ULK4: variants seen among roughly 807,000 people sequenced by gnomAD.
ULK4 encodes inactive serine/threonine-protein kinase ULK4.
ULK4 carries 133 observed loss-of-function variants against 160.6 expected under a neutral mutation model. That is an observed-to-expected ratio of 0.83 (90% confidence interval 0.72 to 0.96). The LOEUF (loss-of-function observed/expected upper bound fraction) is 0.96. Among genes scored for constraint, ULK4 ranks in the 40% least tolerant of loss-of-function variants. The pLI is 0.00. For synonymous variants in ULK4, 534 were observed against 539.8 expected, an observed-to-expected ratio of 0.99 and a Z score of 0.15; for missense variants, 1,580 against 1,499.5, an observed-to-expected ratio of 1.05 and a Z score of -0.89.
chr3:41,604,122 A>C (rs1401525346), intron 31 of ULK4, among the ~76,000 whole-genome samples: 4 of 152,156 alleles, frequency 2.6e-5, no homozygotes, highest in African/African-American at 9.6e-5. Context: ...CATGCTGAGG[A>C]GAGGTAATAG....
chr3:41,875,965 C>CAAA (rs1221477204), intron 17 of ULK4, among the ~76,000 whole-genome samples: 1 of 68,766 alleles, frequency 1.5e-5, no homozygotes, highest in Non-Finnish European at 3.5e-5. Flanking sequence ...ATGTTCTTAC[C>CAAA]AAAAAAAAAA....
At chr3:41,791,083 G>T (rs528498781) in intron 20 of ULK4, among the ~76,000 whole-genome samples, 10 of 152,216 alleles carry the variant, frequency 6.6e-5, no homozygotes, top group Admixed American at 2.0e-4. Flanking sequence ...AACATAAAAA[G>T]ACTTTGAAAA....
intron 21 of ULK4, among the ~76,000 whole-genome samples, chr3:41,762,556 G>A (rs1187070659): frequency 6.6e-6 from 1 of 151,866 alleles, no homozygotes; most frequent in Non-Finnish European, 1.5e-5. Flanking sequence ...GGCTAGGGAG[G>A]CCTCAGGAAA....
At chr3:41,564,449 C>CTTTT (rs71075476) in intron 32 of ULK4, among the ~76,000 whole-genome samples, 75 of 80,968 alleles carry the variant, frequency 9.3e-4, no homozygotes, top group East Asian at 2.6e-3. Context: ...TCTTCTTCTT[C>CTTTT]TTTTTTTTTT....
At chr3:41,869,074 C>T (rs927345800) in intron 17 of ULK4, 1 of 152,066 alleles carries the variant, frequency 6.6e-6, no homozygotes, top group African/African-American at 2.4e-5. Context: ...TAGTTGTAAA[C>T]ACCATGGCAC....
chr3:41,660,513 A>T (rs2035115283), intron 30 of ULK4, among the ~76,000 whole-genome samples: 1 of 152,216 alleles, frequency 6.6e-6, no homozygotes, highest in Non-Finnish European at 1.5e-5. Context: ...TAGACTTAAA[A>T]TGCATTCTTA....
intron 35 of ULK4, among the ~76,000 whole-genome samples, chr3:41,286,541 AG>A (rs2079461245): frequency 6.6e-6 from 1 of 152,154 alleles, no homozygotes; most frequent in Non-Finnish European, 1.5e-5. Context: ...GGAGGCCTTC[AG>A]GAAGAGGAGG....
At chr3:41,806,383 T>G (rs1277491989) in intron 19 of ULK4, among the ~76,000 whole-genome samples, 2 of 152,158 alleles carry the variant, frequency 1.3e-5, no homozygotes, top group Non-Finnish European at 2.9e-5. Flanking sequence ...CTTTTCTTCT[T>G]TATTAGTCTT....
chr3:41,481,034 G>A lies in ULK4; in HGVS notation c.3227-17781C>T, dbSNP rs532682743. The stretch of plus-strand genomic sequence containing the variant: ...ATAGGGACACAGCCAAACTGTATCA[G>A]TGTATAATACATAAAACATACAAAA... On this transcript the variant is annotated intron_variant, in intron 32 of 36. Transcript: ENST00000301831. 6.4e-4 allele frequency among the ~76,000 whole-genome samples: 97 copies of A among 152,280 alleles called. 2 individuals carry two copies. The South Asian group carries it at 0.02, about 31-fold the overall frequency.
intron 35 of ULK4, among the ~76,000 whole-genome samples, chr3:41,304,444 A>G (rs1186997823): frequency 6.6e-6 from 1 of 152,194 alleles, no homozygotes; most frequent in East Asian, 1.9e-4. Flanking sequence ...ACAGCCCCCA[A>G]ACAGGGACAT....
intron 31 of ULK4, among the ~76,000 whole-genome samples, chr3:41,599,984 T>C (rs1254022616): frequency 2.0e-5 from 3 of 152,238 alleles, no homozygotes; most frequent in Non-Finnish European, 2.9e-5. Flanking sequence ...TCCACTAACA[T>C]TGCTTTACTT....
intron 32 of ULK4, among the ~76,000 whole-genome samples, chr3:41,467,405 T>G (rs189816364): frequency 6.6e-5 from 10 of 152,164 alleles, no homozygotes; most frequent in Middle Eastern, 6.8e-3. Context: ...GCACACACTA[T>G]AATCCCAGCG....
At chr3:41,450,950 T>C (rs1335948634) in intron 34 of ULK4, among the ~76,000 whole-genome samples, 1 of 152,130 alleles carries the variant, frequency 6.6e-6, no homozygotes, top group African/African-American at 2.4e-5. Context: ...AACCTAACTG[T>C]GATCAAGTTA....
rs184269626 is a variant in ULK4 at position 41,835,315 on chromosome 3, T to A, written c.1764+549A>T. Among the ~76,000 whole-genome samples, 151 of 152,354 alleles carry A rather than the reference T, an allele frequency of 9.9e-4. 1 individual carries two copies. Among genetic ancestry groups the A allele is most frequent in the African/African-American group, 3.5e-3 (144 of 41,594 alleles). On this transcript the variant is annotated intron_variant, in intron 18 of 36. Coordinates refer to ENST00000301831, the MANE Select transcript of ULK4 (RefSeq NM_017886.4). ...TGACACTAAATGACTAATTCATAAC[T>A]TATCACTATCTATTCCATAATATTC...
chr3:41,655,016 C>G (rs915677317), intron 30 of ULK4, among the ~76,000 whole-genome samples: 19 of 151,922 alleles, frequency 1.3e-4, no homozygotes, highest in African/African-American at 4.6e-4. Context: ...TCAGTTCATT[C>G]TAATAAAGTT....
chr3:41,795,220 G>T (rs746713037), intron 20 of ULK4, among the ~76,000 whole-genome samples: 10 of 152,196 alleles, frequency 6.6e-5, no homozygotes, highest in Non-Finnish European at 1.5e-4. Flanking sequence ...TATAACCTCA[G>T]TCTTTAATAA....
intron 34 of ULK4, among the ~76,000 whole-genome samples, chr3:41,406,093 AGTT>A (rs1463904455): frequency 1.3e-5 from 2 of 152,136 alleles, no homozygotes; most frequent in Non-Finnish European, 2.9e-5. Flanking sequence ...GGATTCTTAC[AGTT>A]TGAGGTCCTA....
intron 30 of ULK4, among the ~76,000 whole-genome samples, chr3:41,633,123 T>A (rs1268030029): frequency 6.6e-6 from 1 of 152,062 alleles, no homozygotes; most frequent in Non-Finnish European, 1.5e-5. Context: ...GCTAGAAGAG[T>A]AAGCCACAGC....
At chr3:41,853,456 T>C (rs561006458) in intron 17 of ULK4, among the ~76,000 whole-genome samples, 8 of 152,256 alleles carry the variant, frequency 5.3e-5, no homozygotes, top group Admixed American at 2.0e-4. Context: ...CAGAACAGAC[T>C]CCTCATGGCA....
Sources: gnomAD v4.1 joint callset for allele counts (sites outside exome capture counted in the v4.1 genomes callset) on GRCh38, gnomAD v4.1.1 for gene constraint, MANE v1.5 for transcripts, NCBI Gene and HGNC (gene_info 2026-07-23, HGNC 2026-07-21) for gene names.